Variants in NUMA1 observed in about 807,000 individuals in gnomAD.
NUMA1 encodes SP-H antigen.
Under a neutral mutation model 237.1 loss-of-function variants are expected in NUMA1, and 62 were observed. That is an observed-to-expected ratio of 0.26 (90% CI 0.21 to 0.32). NUMA1 has a LOEUF of 0.32. NUMA1 is among the 10% of genes least tolerant of loss of function. The probability of loss-of-function intolerance (pLI) is 1.00; values close to 1 mark genes in which losing one functional copy is unlikely to be tolerated. For synonymous variants in NUMA1, 1,028 were observed against 1,066.1 expected (o/e 0.96, Z 0.70); for missense variants, 2,533 against 2,666.5 (o/e 0.95, Z 1.10).
chr11:72,011,816 A>G (rs1034741958), intron 16 of NUMA1, among the ~76,000 whole-genome samples: 1 of 152,008 alleles, frequency 6.6e-6, no homozygotes, highest in Non-Finnish European at 1.5e-5. Flanking sequence ...CATCTGGTAT[A>G]GACCCCTCCT....
rs1245906138 is a variant in NUMA1 at position 72,018,364 on chromosome 11, G to A, written c.860+32C>T. ...CCTGGCTGGGTGAGGGGAGGGGCTG[G>A]GGCCTGGGAAGGAATGCAGGGAGAG... On this transcript the variant is annotated intron_variant, in intron 11 of 26. Transcript: ENST00000393695. 10 of 1,607,942 alleles carry A rather than the reference G, an allele frequency of 6.2e-6. No individual in the cohort carries two copies. In the Admixed American group the frequency reaches 1.5e-4, roughly 24 times the overall value.
chr11:72,007,384 G>A lies in NUMA1; in HGVS notation c.5268C>T (p.Ala1756=), dbSNP rs1461869225. ...PDGTSVPGEP[A]SPISQRLPPK... The stretch of plus-strand genomic sequence containing the variant: ...GGGGCAGGCGCTGGGAGATAGGTGA[G>A]GCTGGTTCTCCAGGGACGCTGGTGC... Residue 1756 remains alanine, a synonymous_variant, in exon 21 of 27, where the codon GCC becomes GCT. Transcript: ENST00000393695. The A allele has an allele frequency of 1.2e-6, 2 of 1,613,878 alleles. No individual in the cohort carries two copies. The highest frequency in any genetic ancestry group is 1.7e-5 in the Admixed American group (1 of 60,002).
chr11:72,013,506 G>T lies in NUMA1; in HGVS notation c.3997C>A (p.Gln1333Lys). ...EELGQELKAW[Q>K]EKFFQKEQAL... ...TGCTCTTTCTGGAAGAACTTCTCCT[G>T]CCACGCCTTCAATTCTTGGCCCAGC... is the stretch of plus-strand genomic sequence containing the variant. The change falls in exon 15 of 27, where the codon CAG (glutamine) becomes AAG (lysine). Residue 1333 changes from glutamine to lysine, a missense_variant. Gln to Lys is a moderately conservative substitution (Grantham distance 53). Around this residue, in one of 3 missense-constraint regions of NUMA1, gnomAD observed 324 missense variants for 407.6 expected, o/e 0.79. Coordinates refer to ENST00000393695, the MANE Select transcript of NUMA1 (RefSeq NM_006185.4). The surrounding 1 kb of genome is among the most constrained non-coding windows in gnomAD (Gnocchi z 6.8). 2 of 1,613,516 alleles carry T rather than the reference G, an allele frequency of 1.2e-6. No homozygotes were observed. The highest frequency in any genetic ancestry group is 1.1e-5 in the South Asian group (1 of 91,088).
chr11:72,075,656 T>C (rs929407788), intron 1 of NUMA1, among the ~76,000 whole-genome samples: 1 of 152,214 alleles, frequency 6.6e-6, no homozygotes, highest in Non-Finnish European at 1.5e-5. Flanking sequence ...AGTTATTATA[T>C]TGAAGTTACT....
intron 1 of NUMA1, among the ~76,000 whole-genome samples, chr11:72,079,648 G>A (rs1424312702): frequency 1.3e-5 from 2 of 151,434 alleles, no homozygotes; most frequent in Admixed American, 1.3e-4. Flanking sequence ...TCTTCACACA[G>A]TCACACCACT....
At chr11:72,073,925 A>C (rs931086288) in intron 1 of NUMA1, among the ~76,000 whole-genome samples, 3 of 152,066 alleles carry the variant, frequency 2.0e-5, no homozygotes, top group Non-Finnish European at 4.4e-5. Context: ...GCTGCGGTGG[A>C]TCAGGCCTGT....
At position 72,004,780 on chromosome 11, in the gene NUMA1, TCTC is replaced by T. The variant is rs777025574; in HGVS notation, c.5863_5865del (p.Glu1955del). 2.1e-5 allele frequency: 33 copies of T among 1,595,762 alleles called. No individual in the cohort carries two copies. Among genetic ancestry groups the T allele is most frequent in the Non-Finnish European group, 2.5e-5 (29 of 1,171,816 alleles). On this transcript the variant is annotated inframe_deletion, in exon 24 of 27. Coordinates refer to ENST00000393695, the MANE Select transcript of NUMA1 (RefSeq NM_006185.4). ...GTCTCTTGGGGGTCTCCAGTTTTCA[TCTC>T]CTCATCTGTGATGGTGCCCAGGCTC...
At chr11:72,057,864 G>C (rs1374271331) in intron 2 of NUMA1, among the ~76,000 whole-genome samples, 2 of 151,238 alleles carry the variant, frequency 1.3e-5, no homozygotes, top group Admixed American at 6.6e-5. Context: ...GAGGGCAGGA[G>C]TTTGAGAACA....
At chr11:72,079,399 G>A (rs1943912965) in intron 1 of NUMA1, among the ~76,000 whole-genome samples, 1 of 152,184 alleles carries the variant, frequency 6.6e-6, no homozygotes, top group South Asian at 2.1e-4. Flanking sequence ...AAGTTAGCCG[G>A]GTGTGGTAGC....
chr11:72,040,491 CACACACACA>C (rs1385208595), intron 2 of NUMA1: 4 of 148,754 alleles, frequency 2.7e-5, no homozygotes, highest in Non-Finnish European at 4.2e-5. Context: ...CACACACACA[CACACACACA>C]CACACACACA....
intron 20 of NUMA1, chr11:72,008,464 T>C (rs1243815501): frequency 1.8e-5 from 10 of 558,190 alleles, no homozygotes; most frequent in African/African-American, 3.8e-5. Flanking sequence ...CACCTATGGA[T>C]GCTTTCAAGA....
In NUMA1 at chr11:72,013,147, C is replaced by G; in HGVS notation, c.4356G>C (p.Arg1452=). 1.2e-6 allele frequency: 2 copies of G among 1,614,104 alleles called. No individual in the cohort carries two copies. The highest frequency in any genetic ancestry group is 2.2e-5 in the South Asian group (2 of 91,090). The stretch of plus-strand genomic sequence containing the variant: ...CAAGGTTGGCCCGCTCACCCAGCCC[C>G]CGGTTCTCCTCTGCCAGCAGGCCAT... The part of the protein sequence containing the change: ...KAHGLLAEEN[R]GLGERANLGR... The change falls in exon 15 of 27, where the codon CGG becomes CGC. Residue 1452 remains arginine, a synonymous_variant. Coordinates refer to ENST00000393695, the MANE Select transcript of NUMA1 (RefSeq NM_006185.4). The surrounding 1 kb of genome is among the most constrained non-coding windows in gnomAD (Gnocchi z 6.8).
Position 72,018,867 on chromosome 11 carries a change from A to G in NUMA1, c.698T>C (p.Leu233Pro). The change falls in exon 10 of 27, where the codon CTG becomes CCG. Residue 233 changes from leucine (L) to proline (P), a missense_variant. Around this residue, in one of 3 missense-constraint regions of NUMA1, gnomAD observed 1,414 missense variants for 1,508.1 expected, o/e 0.94. Transcript: ENST00000393695. The stretch of plus-strand genomic sequence containing the variant: ...GCGGTTCTCAGCTAGCTCCAGCTCC[A>G]GCTCATCCCTATTACTTCTCTCATC... Reference protein sequence around the residue: ...LADERSNRDELELELAENRKL... With the variant: ...LADERSNRDEPELELAENRKL... The G allele has an allele frequency of 6.2e-7, 1 of 1,613,558 alleles. No homozygotes were observed. The highest frequency in any genetic ancestry group is 8.5e-7 in the Non-Finnish European group (1 of 1,179,984).
intron 14 of NUMA1, 61 bp from the exon 15 acceptor site, chr11:72,016,321 G>A (rs903318897): frequency 6.3e-7 from 1 of 1,585,432 alleles, no homozygotes; most frequent in South Asian, 1.1e-5. Context: ...AGACTCCTCT[G>A]GAAATGGAGG....
chr11:72,003,728 T>C, intron 26 of NUMA1, 159 bp downstream of exon 26: 1 of 988,444 alleles, frequency 1.0e-6, no homozygotes, highest in Non-Finnish European at 1.5e-6. Flanking sequence ...CCATCTGTCT[T>C]CTCTCCTTGG....
chr11:72,028,231 A>AC (rs1939826859), intron 4 of NUMA1, among the ~76,000 whole-genome samples: 1 of 152,118 alleles, frequency 6.6e-6, no homozygotes, highest in South Asian at 2.1e-4. Context: ...GGTAGGGAGG[A>AC]CCCCAAGATG....
At chr11:72,016,797 C>T (rs768246143) in intron 13 of NUMA1, 25 of 423,580 alleles carry the variant, frequency 5.9e-5, no homozygotes, top group Non-Finnish European at 9.4e-5. Flanking sequence ...ATTTCCTTAC[C>T]GTATACCCTT....
intron 1 of NUMA1, among the ~76,000 whole-genome samples, chr11:72,075,985 C>T (rs1943687330): frequency 1.3e-5 from 2 of 151,986 alleles, no homozygotes; most frequent in Admixed American, 1.3e-4. Flanking sequence ...AGTTTATACT[C>T]AGTAAGATAA....
At chr11:72,034,278 T>G (rs1475737351) in intron 3 of NUMA1, among the ~76,000 whole-genome samples, 1 of 152,222 alleles carries the variant, frequency 6.6e-6, no homozygotes, top group East Asian at 1.9e-4. Flanking sequence ...ACTGCATGTA[T>G]GTGGGTACTT....
Sources: gnomAD v4.1 joint callset for allele counts (sites outside exome capture counted in the v4.1 genomes callset) on GRCh38, gnomAD v4.1.1 for gene constraint, gnomAD v4.1.1 regional missense constraint, Gnocchi (gnomAD v3.1) non-coding constraint, MANE v1.5 for transcripts, NCBI Gene and HGNC (gene_info 2026-07-23, HGNC 2026-07-21) for gene names.